FGF13: variants seen among roughly 807,000 people sequenced by gnomAD.
FGF13 encodes the protein fibroblast growth factor homologous factor 2.
FGF13 carries 2 observed loss-of-function variants against 19.5 expected under a neutral mutation model. The ratio of observed to expected loss-of-function variants is 0.10; its 90% confidence interval spans 0.04 to 0.32. The LOEUF is 0.32. FGF13 is among the 10% of genes least tolerant of loss of function. The pLI is 1.00. For synonymous variants in FGF13, 72 were observed against 76.9 expected, an observed-to-expected ratio of 0.94 and a Z score of 0.33; for missense variants, 113 against 192.7, an observed-to-expected ratio of 0.59 and a Z score of 2.45.
chrX:139,032,795 G>A (rs757183426), intron 1 of FGF13, among the ~76,000 whole-genome samples: 23 of 109,667 alleles, frequency 2.1e-4, no homozygotes, highest in African/African-American at 7.6e-4. Flanking sequence ...CGACAACTGA[G>A]ATGGATGGAT....
At chrX:139,119,670 T>C (rs956593202) in intron 1 of FGF13, among the ~76,000 whole-genome samples, 5 of 112,359 alleles carry the variant, frequency 4.5e-5, no homozygotes, top group African/African-American at 1.6e-4. Context: ...AACTCTGAAA[T>C]ACACAGGGTC....
In FGF13 at chrX:138,876,367, CT is replaced by C. The variant is rs778666128; in HGVS notation, c.-112-11718del. ...GATTTTTAAGATGTAATTCATGCCCCTGATCAGTTGATTTTGAGTTCATCAA... is the reference window on the plus strand; with the variant it reads ...GATTTTTAAGATGTAATTCATGCCCCGATCAGTTGATTTTGAGTTCATCAA... On this transcript the variant is annotated intron_variant, in intron 1 of 2. Transcript: ENST00000421460. 3.6e-5 allele frequency among the ~76,000 whole-genome samples: 4 copies of C among 112,331 alleles called. No homozygotes were observed. In the South Asian group the frequency reaches 1.5e-3, roughly 42 times the overall value.
intron 1 of FGF13, among the ~76,000 whole-genome samples, chrX:139,159,324 G>A (rs1211095527): frequency 1.8e-5 from 2 of 111,553 alleles, no homozygotes; most frequent in African/African-American, 6.5e-5. Flanking sequence ...AGTTCCTGAA[G>A]GAAGCACTAA....
chrX:138,850,409 A>G (rs948533887), intron 3 of FGF13, among the ~76,000 whole-genome samples: 3 of 112,002 alleles, frequency 2.7e-5, no homozygotes, highest in African/African-American at 9.7e-5. Flanking sequence ...TACTAATGTT[A>G]TCAGGACATA....
intron 3 of FGF13, among the ~76,000 whole-genome samples, chrX:138,778,723 G>T (rs768356651): frequency 1.8e-5 from 2 of 112,271 alleles, no homozygotes; most frequent in African/African-American, 3.2e-5. Context: ...ACAGCAAGGC[G>T]GCAGCCAGGC....
At chrX:138,830,068 C>A (rs1188022171) in intron 3 of FGF13, among the ~76,000 whole-genome samples, 1 of 112,014 alleles carries the variant, frequency 8.9e-6, no homozygotes, top group Non-Finnish European at 1.9e-5. Flanking sequence ...TTTACTTTAA[C>A]AACAGAAAAC....
At chrX:138,651,311 A>C (rs1247558378) in intron 3 of FGF13, among the ~76,000 whole-genome samples, 1 of 112,384 alleles carries the variant, frequency 8.9e-6, no homozygotes, top group East Asian at 2.8e-4. Flanking sequence ...ACTCCAACAA[A>C]AAAGCAAAGA....
rs149865113 is a variant in FGF13 at position 139,138,112 on chromosome X, C to T, written c.-113+65304G>A. The stretch of plus-strand genomic sequence containing the variant: ...CCATTTATGAAGCACTTACTGGGTA[C>T]ACCAGGAACTATGCTAAGCATATTA... On this transcript the variant is annotated intron_variant, in intron 1 of 2. Coordinates refer to the FGF13 transcript ENST00000421460. 6.4e-4 allele frequency among the ~76,000 whole-genome samples: 72 copies of T among 112,359 alleles called. 1 individual carries two copies. The East Asian group carries it at 0.017, about 26-fold the overall frequency.
intron 1 of FGF13, among the ~76,000 whole-genome samples, chrX:139,160,422 T>C (rs1333303263): frequency 9.0e-6 from 1 of 110,921 alleles, no homozygotes; most frequent in Non-Finnish European, 1.9e-5. Context: ...GAAATCACAA[T>C]TGAAAGAACT....
chrX:138,931,842 T>C (rs1202859760), intron 1 of FGF13, among the ~76,000 whole-genome samples: 1 of 112,199 alleles, frequency 8.9e-6, no homozygotes, highest in African/African-American at 3.2e-5. Flanking sequence ...CATTCAAATA[T>C]AGATTTATGT....
At chrX:138,834,414 AG>A (rs749860272) in intron 3 of FGF13, among the ~76,000 whole-genome samples, 5 of 110,762 alleles carry the variant, frequency 4.5e-5, no homozygotes, top group Non-Finnish European at 9.5e-5. Context: ...CATTTCTTCT[AG>A]GGTTTCTGGT....
chrX:138,862,551 A>G (rs1219583583), intron 2 of FGF13, among the ~76,000 whole-genome samples: 2 of 111,667 alleles, frequency 1.8e-5, no homozygotes, highest in Non-Finnish European at 3.8e-5. Flanking sequence ...GGGTAATTAG[A>G]GCAATGACTC....
chrX:138,774,346 T>C (rs141781429), intron 3 of FGF13, among the ~76,000 whole-genome samples: 3,146 of 111,853 alleles, frequency 0.028, 95 homozygotes, highest in African/African-American at 0.08. Flanking sequence ...CAACTTGCTA[T>C]GCATGAGGAA....
intron 1 of FGF13, among the ~76,000 whole-genome samples, chrX:139,154,083 C>G (rs1157836971): frequency 9.0e-6 from 1 of 111,662 alleles, no homozygotes; most frequent in Non-Finnish European, 1.9e-5. Context: ...AACACAGATA[C>G]CATCTTGAGA....
chrX:138,663,514 A>G (rs1284569686), intron 3 of FGF13, among the ~76,000 whole-genome samples: 1 of 112,024 alleles, frequency 8.9e-6, no homozygotes, highest in Non-Finnish European at 1.9e-5. Context: ...AATCCACACC[A>G]TAATCCAGGA....
intron 1 of FGF13, among the ~76,000 whole-genome samples, chrX:138,949,246 A>G (rs1348447534): frequency 8.9e-6 from 1 of 112,240 alleles, no homozygotes; most frequent in Non-Finnish European, 1.9e-5. Flanking sequence ...ACATAAAACA[A>G]CAGAAATTTG....
chrX:139,008,221 G>A (rs1304395480), intron 1 of FGF13, among the ~76,000 whole-genome samples: 1 of 111,592 alleles, frequency 9.0e-6, no homozygotes, highest in Non-Finnish European at 1.9e-5. Context: ...CACCCACCCT[G>A]GTACCAAAGA....
chrX:138,733,381 G>A (rs1328195695), intron 1 of FGF13, among the ~76,000 whole-genome samples: 1 of 111,466 alleles, frequency 9.0e-6, no homozygotes. Flanking sequence ...TTGCTATTAG[G>A]AACATAAACA....
intron 1 of FGF13, among the ~76,000 whole-genome samples, chrX:139,111,102 T>C (rs1313450889): frequency 8.9e-6 from 1 of 112,020 alleles, no homozygotes; most frequent in Non-Finnish European, 1.9e-5. Flanking sequence ...GAATGTTGAC[T>C]GCTACAGATG....
Sources: allele counts gnomAD v4.1 joint callset (sites outside exome capture counted in the v4.1 genomes callset), GRCh38; gene constraint gnomAD v4.1.1; transcripts MANE v1.5; gene names NCBI Gene and HGNC (gene_info 2026-07-23, HGNC 2026-07-21).